Variants in GLE1 observed in about 807,000 individuals in gnomAD.
GLE1 encodes mRNA export factor GLE1.
In GLE1, 78 loss-of-function variants were observed where a neutral mutation model predicts 97.3. That is an observed-to-expected ratio of 0.80 (90% CI 0.67 to 0.97). GLE1 has a LOEUF of 0.97. GLE1 is among the 50% of genes least tolerant of loss of function. The pLI is 0.00. For missense variants in GLE1, 753 were observed against 857.5 expected, an observed-to-expected ratio of 0.88 and a Z score of 1.52; for synonymous variants, 302 against 313.4, an observed-to-expected ratio of 0.96 and a Z score of 0.39.
At chr9:128,510,971 G>T (rs1178956814) in intron 2 of GLE1, among the ~76,000 whole-genome samples, 4 of 151,556 alleles carry the variant, frequency 2.6e-5, no homozygotes, top group African/African-American at 9.7e-5. Flanking sequence ...ACTTTGGGAG[G>T]CTGAGGCAGG....
chr9:128,535,658 T>TA (rs759335308), intron 11 of GLE1, among the ~76,000 whole-genome samples: 21 of 151,806 alleles, frequency 1.4e-4, no homozygotes, highest in African/African-American at 4.3e-4. Flanking sequence ...CTGTCTCTAC[T>TA]AAAAATACAA....
Position 128,523,864 on chromosome 9 carries a change from G to C in GLE1, c.897+18G>C, listed in dbSNP as rs1306741406. 1 of 1,613,550 alleles carries C rather than the reference G, an allele frequency of 6.2e-7. No homozygotes were observed. On this transcript the variant is annotated intron_variant, in intron 6 of 15. Transcript: ENST00000309971. ...CTTCAGAGGTGAGGGGGGCTTCAGA[G>C]TGACTCTTTGCTGTCTTTGAAATGG...
chr9:128,505,863 A>G (rs960678372), intron 1 of GLE1, among the ~76,000 whole-genome samples: 3 of 152,224 alleles, frequency 2.0e-5, no homozygotes, highest in Admixed American at 6.5e-5. Context: ...TGTTTTCCAC[A>G]TGAATCGATA....
intron 13 of GLE1, among the ~76,000 whole-genome samples, chr9:128,539,399 G>A (rs1403142636): frequency 2.0e-5 from 3 of 152,210 alleles, no homozygotes; most frequent in Admixed American, 1.3e-4. Flanking sequence ...AGTTCATTAA[G>A]ACCTGATTGG....
intron 9 of GLE1, chr9:128,532,683 T>C: frequency 1.0e-6 from 1 of 974,308 alleles, no homozygotes; most frequent in Non-Finnish European, 1.2e-6. Flanking sequence ...TCTTTGGTCT[T>C]CATGGCAGGT....
intron 2 of GLE1, among the ~76,000 whole-genome samples, chr9:128,511,068 G>A (rs552137938): frequency 1.5e-4 from 23 of 151,176 alleles, no homozygotes; most frequent in African/African-American, 4.6e-4. Flanking sequence ...GCTGGGCGTC[G>A]TGGCGCACGC....
Position 128,534,069 on chromosome 9 carries a change from G to C in GLE1, c.1646+118G>C. 10 of 794,782 alleles carry C rather than the reference G, an allele frequency of 1.3e-5. No homozygotes were observed. In the South Asian group the frequency reaches 1.4e-4, roughly 11 times the overall value. 49.2% of individuals were successfully genotyped at this position (794,782 alleles called of 1,614,324 possible). A position where few individuals can be genotyped will look rare whatever the true frequency, so the allele number is the denominator to read the frequency against. On this transcript the variant is annotated intron_variant, in intron 11 of 15. Coordinates refer to ENST00000309971, the MANE Select transcript of GLE1 (RefSeq NM_001003722.2). ...ATTACGTACCTTGAATGTTCTATCA[G>C]AAATATAATGTCTTTCGGCCGGGTG...
chr9:128,511,677 G>T (rs2132416146), intron 2 of GLE1, among the ~76,000 whole-genome samples: 2 of 149,770 alleles, frequency 1.3e-5, no homozygotes, highest in African/African-American at 4.9e-5. Context: ...CTGCACACCA[G>T]CCTGGGCGAC....
chr9:128,508,938 G>A lies in GLE1; in HGVS notation c.162G>A (p.Glu54=). The change falls in exon 2 of 16, where the codon GAG becomes GAA. Residue 54 remains glutamate, a synonymous_variant. Coordinates refer to ENST00000309971, the MANE Select transcript of GLE1 (RefSeq NM_001003722.2). ...KLSSYSGWVV[E]HVLPHMQENQ... ...CTTCTTATTCTGGATGGGTGGTAGA[G>A]CACGTCCTACCCCATATGCAGGAGA... 12 of 1,610,570 alleles carry A rather than the reference G, an allele frequency of 7.5e-6. No homozygotes were observed. Among genetic ancestry groups the A allele is most frequent in the Non-Finnish European group, 1.0e-5 (12 of 1,176,754 alleles).
At chr9:128,527,132 G>C (rs753927637) in intron 7 of GLE1, 47 bp from the exon 8 acceptor site, 5 of 982,264 alleles carry the variant, frequency 5.1e-6, no homozygotes, top group Non-Finnish European at 8.3e-6. Flanking sequence ...CATATTACAT[G>C]TTCAGTAAAT....
chr9:128,513,966 C>T (rs1846900742), intron 2 of GLE1, among the ~76,000 whole-genome samples: 2 of 147,754 alleles, frequency 1.4e-5, no homozygotes, highest in Middle Eastern at 3.5e-3. Context: ...TGCAGTGAGC[C>T]GAGATTGCGC....
intron 3 of GLE1, among the ~76,000 whole-genome samples, chr9:128,520,420 GTATATATGTA>G (rs902541178): frequency 1.0e-4 from 15 of 147,056 alleles, no homozygotes; most frequent in East Asian, 3.9e-4. Flanking sequence ...GTATATATAT[GTATATATGTA>G]TATATATGTA....
chr9:128,507,450 G>T (rs1024657339), intron 1 of GLE1, among the ~76,000 whole-genome samples: 2 of 152,056 alleles, frequency 1.3e-5, no homozygotes, highest in African/African-American at 4.8e-5. Flanking sequence ...CAGGTGTGGT[G>T]GTGCGTGCCT....
At chr9:128,523,968 T>C in intron 6 of GLE1, 122 bp downstream of exon 6, 4 of 890,976 alleles carry the variant, frequency 4.5e-6, no homozygotes, top group Non-Finnish European at 7.2e-6. Context: ...TACCAAACAT[T>C]ACTTGTTATC....
At chr9:128,527,610 A>G (rs1204133945) in intron 9 of GLE1, 85 bp downstream of exon 9, 4 of 842,408 alleles carry the variant, frequency 4.7e-6, no homozygotes, top group Non-Finnish European at 8.3e-6. Context: ...TAAGGTTCCT[A>G]TAAAAGTATA....
Position 128,523,608 on chromosome 9 carries a change from T to TGCGGGAAGCAGAGCAGCAGC in GLE1, c.663_682dup (p.Val228GlyfsTer8). ...TTTCTACAGATTCTCAACCTGAAGC[T>TGCGGGAAGCAGAGCAGCAGC]GCGGGAAGCAGAGCAGCAGCGCGTG... On this transcript the variant is annotated frameshift_variant, in exon 6 of 16. Transcript: ENST00000309971. LOFTEE classifies it high-confidence loss of function. 1 of 1,613,996 alleles carries TGCGGGAAGCAGAGCAGCAGC rather than the reference T, an allele frequency of 6.2e-7. No individual in the cohort carries two copies. The highest frequency in any genetic ancestry group is 1.1e-5 in the South Asian group (1 of 91,072).
In GLE1 at chr9:128,508,816, G is replaced by C. The variant is rs1846715524; in HGVS notation, c.100-60G>C. ...TCTTAGATGTTCAGTAAGGCATGTA[G>C]TGGATTATACTGAGAACAGTTGACG... On this transcript the variant is annotated intron_variant, in intron 1 of 15. Coordinates refer to ENST00000309971, the MANE Select transcript of GLE1 (RefSeq NM_001003722.2). 3.1e-6 allele frequency: 3 copies of C among 959,306 alleles called. No homozygotes were observed. The African/African-American group carries it at 4.8e-5, about 15-fold the overall frequency. The allele number at this position is 959,306 out of a possible 1,614,324, so 59.4% of individuals were successfully genotyped here. A position where few individuals can be genotyped will look rare whatever the true frequency, so the allele number is the denominator to read the frequency against.
At chr9:128,511,454 T>C (rs1402934715) in intron 2 of GLE1, among the ~76,000 whole-genome samples, 1 of 151,600 alleles carries the variant, frequency 6.6e-6, no homozygotes, top group African/African-American at 2.4e-5. Context: ...ACGCCTGTAA[T>C]CCCAGCACTT....
intron 9 of GLE1, among the ~76,000 whole-genome samples, chr9:128,529,785 T>A (rs1364487456): frequency 6.6e-6 from 1 of 151,082 alleles, no homozygotes; most frequent in African/African-American, 2.4e-5. Context: ...AGGGATCTAC[T>A]CTTTTTTTTT....
Sources: gnomAD v4.1 joint callset for allele counts (sites outside exome capture counted in the v4.1 genomes callset) on GRCh38, gnomAD v4.1.1 for gene constraint, MANE v1.5 for transcripts, NCBI Gene and HGNC (gene_info 2026-07-23, HGNC 2026-07-21) for gene names.